The following CNBD1 variants were observed in gnomAD, a reference collection of about 807,000 sequenced individuals.
CNBD1 encodes cyclic nucleotide-binding domain-containing protein 1.
Under a neutral mutation model 54.4 loss-of-function variants are expected in CNBD1, and 71 were observed. That is an observed-to-expected ratio of 1.30 (90% CI 1.08 to 1.59). The LOEUF is 1.59. CNBD1 is among the 40% of genes most tolerant of loss of function. The pLI is 0.00. For synonymous variants in CNBD1, 182 were observed against 170.7 expected (o/e 1.07, Z -0.51); for missense variants, 659 against 518.0 (o/e 1.27, Z -2.64).
intron 8 of CNBD1, among the ~76,000 whole-genome samples, chr8:87,327,868 G>C (rs1373989804): frequency 6.6e-6 from 1 of 152,014 alleles, no homozygotes; most frequent in African/African-American, 2.4e-5. Flanking sequence ...ACAGTTTAAA[G>C]TTTTATGTTA....
At chr8:86,935,517 A>T (rs1305794974) in intron 3 of CNBD1, among the ~76,000 whole-genome samples, 1 of 152,170 alleles carries the variant, frequency 6.6e-6, no homozygotes, top group East Asian at 1.9e-4. Flanking sequence ...CTAAATTTTC[A>T]AATTTATTGG....
chr8:87,380,718 C>T (rs1451529092), intron 10 of CNBD1, among the ~76,000 whole-genome samples: 2 of 151,896 alleles, frequency 1.3e-5, no homozygotes, highest in Non-Finnish European at 2.9e-5. Flanking sequence ...TTTCAGTAAA[C>T]AAGTCTTTTA....
intron 9 of CNBD1, 33 bp from the exon 10 acceptor site, chr8:87,353,603 G>A: frequency 7.2e-7 from 1 of 1,388,584 alleles, no homozygotes; most frequent in Non-Finnish European, 1.0e-6. Flanking sequence ...GGAAGCAGTT[G>A]CATTAAACAT....
chr8:87,013,094 T>G lies in CNBD1; in HGVS notation c.431+73340T>G, dbSNP rs1484430987. Among the ~76,000 whole-genome samples the G allele has an allele frequency of 2.0e-5, 3 of 152,148 alleles. 1 individual carries two copies. In the South Asian group the frequency reaches 6.2e-4, roughly 32 times the overall value. ...GAGAAGACTCAAGACCCCAAAGGAG[T>G]TGACTGAAAGTGGAGCTAAGGTACA... is the stretch of plus-strand genomic sequence containing the variant. On this transcript the variant is annotated intron_variant, in intron 4 of 10. Coordinates refer to ENST00000518476, the MANE Select transcript of CNBD1 (RefSeq NM_173538.3).
At chr8:87,328,974 G>A (rs893295254) in intron 8 of CNBD1, among the ~76,000 whole-genome samples, 1 of 151,934 alleles carries the variant, frequency 6.6e-6, no homozygotes, top group Non-Finnish European at 1.5e-5. Context: ...CCAAACCCAA[G>A]GCCATCTAGA....
chr8:86,874,986 TTA>T (rs10584669), intron 1 of CNBD1, among the ~76,000 whole-genome samples: 7,430 of 119,736 alleles, frequency 0.062, 216 homozygotes, highest in South Asian at 0.1. Context: ...GTAAATCAAT[TTA>T]TATATATATA....
At chr8:86,990,427 A>C (rs571515925) in intron 4 of CNBD1, among the ~76,000 whole-genome samples, 3 of 152,236 alleles carry the variant, frequency 2.0e-5, no homozygotes, top group African/African-American at 7.2e-5. Flanking sequence ...CAGTTTTCCC[A>C]ATACCTTTTA....
At chr8:87,129,701 A>G (rs191999623) in intron 4 of CNBD1, among the ~76,000 whole-genome samples, 5 of 152,150 alleles carry the variant, frequency 3.3e-5, no homozygotes, top group African/African-American at 9.6e-5. Context: ...TTTCTAAGCA[A>G]TGTTTTAGCT....
At chr8:87,103,786 A>G (rs755841724) in intron 4 of CNBD1, among the ~76,000 whole-genome samples, 18 of 152,188 alleles carry the variant, frequency 1.2e-4, no homozygotes, top group Non-Finnish European at 2.4e-4. Context: ...CAGCCAAACC[A>G]TAGCAATGAT....
At chr8:87,069,004 C>T (rs1045046179) in intron 4 of CNBD1, among the ~76,000 whole-genome samples, 2 of 151,986 alleles carry the variant, frequency 1.3e-5, no homozygotes, top group African/African-American at 2.4e-5. Flanking sequence ...CTGCATGTGA[C>T]GTAGGAACTA....
chr8:87,205,529 G>A (rs564036487), intron 4 of CNBD1, among the ~76,000 whole-genome samples: 2 of 152,002 alleles, frequency 1.3e-5, no homozygotes, highest in Non-Finnish European at 2.9e-5. Flanking sequence ...TTCACTTAAC[G>A]ATTTATACCC....
At chr8:87,137,596 C>T (rs1812283139) in intron 4 of CNBD1, among the ~76,000 whole-genome samples, 2 of 152,028 alleles carry the variant, frequency 1.3e-5, no homozygotes, top group Non-Finnish European at 2.9e-5. Context: ...AGCACCTGGC[C>T]AAAACCAAGG....
intron 4 of CNBD1, among the ~76,000 whole-genome samples, chr8:87,002,707 C>G (rs1023962355): frequency 2.6e-5 from 4 of 152,000 alleles, no homozygotes; most frequent in African/African-American, 9.7e-5. Context: ...GTTCTCCCAA[C>G]TCTGCCTTCT....
chr8:87,231,556 G>C (rs1807435265), intron 5 of CNBD1, among the ~76,000 whole-genome samples: 1 of 152,142 alleles, frequency 6.6e-6, no homozygotes, highest in Non-Finnish European at 1.5e-5. Context: ...AATATGTTTA[G>C]AATAGTGTCT....
At chr8:87,346,623 A>T (rs901667358) in intron 8 of CNBD1, among the ~76,000 whole-genome samples, 1 of 152,056 alleles carries the variant, frequency 6.6e-6, no homozygotes, top group Non-Finnish European at 1.5e-5. Flanking sequence ...GCATATATAT[A>T]TATGTATGTA....
At chr8:86,891,751 T>C (rs1808771829) in intron 2 of CNBD1, among the ~76,000 whole-genome samples, 1 of 152,078 alleles carries the variant, frequency 6.6e-6, no homozygotes, top group Non-Finnish European at 1.5e-5. Flanking sequence ...TTTCAATTTC[T>C]TTCATTAGTG....
intron 4 of CNBD1, among the ~76,000 whole-genome samples, chr8:87,097,452 C>T (rs938896372): frequency 6.6e-5 from 10 of 152,066 alleles, no homozygotes; most frequent in South Asian, 2.1e-4. Context: ...TAAAATACTT[C>T]GATGTGTACC....
intron 5 of CNBD1, among the ~76,000 whole-genome samples, chr8:87,209,279 A>C (rs1023360015): frequency 2.0e-5 from 3 of 152,242 alleles, no homozygotes; most frequent in African/African-American, 7.2e-5. Context: ...TAATTTTATG[A>C]GGCCAGCATT....
intron 4 of CNBD1, among the ~76,000 whole-genome samples, chr8:86,976,521 C>A (rs537148181): frequency 6.6e-6 from 1 of 151,878 alleles, no homozygotes; most frequent in South Asian, 2.1e-4. Flanking sequence ...TGTTGGAGAT[C>A]TTTTGTAATT....
Sources: gnomAD v4.1 joint callset for allele counts (sites outside exome capture counted in the v4.1 genomes callset) on GRCh38, gnomAD v4.1.1 for gene constraint, MANE v1.5 for transcripts, NCBI Gene and HGNC (gene_info 2026-07-23, HGNC 2026-07-21) for gene names.